Variants in KSR1 observed in about 807,000 individuals in gnomAD.
KSR1 encodes kinase suppressor of ras 1.
Under a neutral mutation model 92.9 loss-of-function variants are expected in KSR1, and 35 were observed. The observed-to-expected ratio is 0.38, with a 90% CI of 0.29 to 0.50. KSR1 has a LOEUF of 0.50. Ranked by LOEUF, KSR1 falls within the 20% of genes least tolerant of loss-of-function variation. KSR1 has a pLI of 0.94. For synonymous variants in KSR1, 467 were observed against 472.6 expected, an observed-to-expected ratio of 0.99 and a Z score of 0.15; for missense variants, 972 against 1,158.5, an observed-to-expected ratio of 0.84 and a Z score of 2.34.
At chr17:27,467,277 C>G (rs1046540893) in intron 1 of KSR1, among the ~76,000 whole-genome samples, 1 of 152,224 alleles carries the variant, frequency 6.6e-6, no homozygotes, top group African/African-American at 2.4e-5. Context: ...TTTGAAGACT[C>G]TGGTTGCCTT....
At chr17:27,580,449 A>G (rs2072706336) in intron 3 of KSR1, among the ~76,000 whole-genome samples, 1 of 152,176 alleles carries the variant, frequency 6.6e-6, no homozygotes, top group Non-Finnish European at 1.5e-5. Context: ...GGGAAGGCTA[A>G]TTCATCCCCC....
intron 1 of KSR1, among the ~76,000 whole-genome samples, chr17:27,520,839 A>C (rs1200026822): frequency 6.6e-6 from 1 of 152,232 alleles, no homozygotes; most frequent in East Asian, 1.9e-4. Context: ...AGTGGCCAAA[A>C]GGGGCTGAAA....
chr17:27,598,264 C>T (rs762506168), intron 10 of KSR1, among the ~76,000 whole-genome samples: 7 of 152,226 alleles, frequency 4.6e-5, no homozygotes, highest in Non-Finnish European at 8.8e-5. Context: ...CTGTGACACT[C>T]CTGTTTGCTC....
intron 1 of KSR1, among the ~76,000 whole-genome samples, chr17:27,457,287 G>A (rs1313017742): frequency 6.6e-6 from 1 of 152,188 alleles, no homozygotes; most frequent in Non-Finnish European, 1.5e-5. Context: ...CCTGAAGCGT[G>A]ATCGCAGGCC....
At chr17:27,522,115 G>T (rs1432674851) in intron 1 of KSR1, among the ~76,000 whole-genome samples, 1 of 152,170 alleles carries the variant, frequency 6.6e-6, no homozygotes, top group Non-Finnish European at 1.5e-5. Flanking sequence ...AATAAATGTT[G>T]TGGAGTGGAA....
At chr17:27,553,944 G>T (rs1792322419) in intron 2 of KSR1, among the ~76,000 whole-genome samples, 1 of 152,110 alleles carries the variant, frequency 6.6e-6, no homozygotes, top group Non-Finnish European at 1.5e-5. Flanking sequence ...CTGGCCCCAG[G>T]GGTGTGGGTC....
At chr17:27,609,815 A>G in intron 16 of KSR1, 1 of 414,056 alleles carries the variant, frequency 2.4e-6, no homozygotes, top group Non-Finnish European at 4.3e-6. Context: ...GGGCACCTTC[A>G]CCAGCAGCTC....
At chr17:27,525,639 G>T (rs1463164839) in intron 1 of KSR1, among the ~76,000 whole-genome samples, 1 of 152,160 alleles carries the variant, frequency 6.6e-6, no homozygotes, top group East Asian at 1.9e-4. Context: ...TTACAGTTTG[G>T]TCACTGAGTT....
Position 27,577,975 on chromosome 17 carries a change from C to T in KSR1, c.520+336C>T. 1 of 424,140 alleles carries T rather than the reference C, an allele frequency of 2.4e-6. No homozygotes were observed. The highest frequency in any genetic ancestry group is 2.1e-5 in the South Asian group (1 of 48,600). 26.3% of individuals were successfully genotyped at this position (424,140 alleles called of 1,614,324 possible). ...AGCTTCCCACATTCCAGCCCCCAGC[C>T]CTCTCCCCGTCTTCTCCTGTCCCCA... On this transcript the variant is annotated intron_variant, in intron 3 of 20. Transcript: ENST00000644974. The surrounding 1 kb of genome is among the most constrained non-coding windows in gnomAD (Gnocchi z 4.5).
chr17:27,526,679 G>A (rs1302102634), intron 1 of KSR1: 2 of 1,538,070 alleles, frequency 1.3e-6, no homozygotes, highest in Non-Finnish European at 1.8e-6. Context: ...GTTTTTATTG[G>A]CTGTTATTCT....
intron 1 of KSR1, chr17:27,526,376 C>G: frequency 6.9e-7 from 1 of 1,458,156 alleles, no homozygotes. Flanking sequence ...AGAGAGCCAC[C>G]CCCAAAGTCT....
chr17:27,610,885 C>T (rs2073895810), intron 17 of KSR1, among the ~76,000 whole-genome samples: 1 of 152,194 alleles, frequency 6.6e-6, no homozygotes, highest in Non-Finnish European at 1.5e-5. Context: ...ATTTCAGTCA[C>T]TCAGTAGCCC....
intron 18 of KSR1, among the ~76,000 whole-genome samples, chr17:27,612,367 T>G (rs1195275581): frequency 6.6e-6 from 1 of 152,236 alleles, no homozygotes; most frequent in Non-Finnish European, 1.5e-5. Flanking sequence ...GTGATGTCAG[T>G]CCAAGGTTAG....
At chr17:27,562,219 C>G (rs561447367) in intron 2 of KSR1, among the ~76,000 whole-genome samples, 8 of 152,312 alleles carry the variant, frequency 5.3e-5, no homozygotes, top group Admixed American at 1.3e-4. Context: ...AGACTAGAAG[C>G]ACCATGTTGG....
chr17:27,472,306 A>T (rs1046281233), intron 1 of KSR1, among the ~76,000 whole-genome samples: 1 of 152,168 alleles, frequency 6.6e-6, no homozygotes, highest in Admixed American at 6.5e-5. Context: ...TGCTTCTGGG[A>T]GTCTAGAGTG....
chr17:27,539,162 C>G (rs2070866868), intron 1 of KSR1, among the ~76,000 whole-genome samples: 1 of 152,160 alleles, frequency 6.6e-6, no homozygotes, highest in African/African-American at 2.4e-5. Flanking sequence ...AGGTGCCTTT[C>G]AGTTGGCAAT....
At chr17:27,597,904 T>C (rs1054390325) in intron 10 of KSR1, among the ~76,000 whole-genome samples, 5 of 152,168 alleles carry the variant, frequency 3.3e-5, no homozygotes, top group Non-Finnish European at 2.9e-5. Flanking sequence ...AGGAGACCTC[T>C]CGTTCCCTTT....
At chr17:27,461,090 G>GTTTTTC (rs2019411442) in intron 1 of KSR1, among the ~76,000 whole-genome samples, 1 of 151,978 alleles carries the variant, frequency 6.6e-6, no homozygotes, top group African/African-American at 2.4e-5. Context: ...TTTTGTTTTT[G>GTTTTTC]TTTTTCTTTT....
At position 27,623,485 on chromosome 17, in the gene KSR1, G is replaced by T. The variant is rs779324372; in HGVS notation, c.*93G>T. On this transcript the variant is annotated 3_prime_UTR_variant, in exon 21 of 21. Coordinates refer to ENST00000644974, the MANE Select transcript of KSR1 (RefSeq NM_001394583.1). ...CCACCACGACAAAAAAACACTGCCT[G>T]CCCAGCGCTGCAAACCAGGAGCACA... is the stretch of plus-strand genomic sequence containing the variant. The T allele has an allele frequency of 7.1e-6, 5 of 700,366 alleles. No individual in the cohort carries two copies. The highest frequency in any genetic ancestry group is 4.5e-5 in the South Asian group (3 of 66,920). The allele number at this position is 700,366 out of a possible 1,614,324, so 43.4% of individuals were successfully genotyped here.
Sources: gnomAD v4.1 joint callset for allele counts (sites outside exome capture counted in the v4.1 genomes callset) on GRCh38, gnomAD v4.1.1 for gene constraint, Gnocchi (gnomAD v3.1) non-coding constraint, MANE v1.5 for transcripts, NCBI Gene and HGNC (gene_info 2026-07-23, HGNC 2026-07-21) for gene names.